The following DLGAP3 variants were observed in gnomAD, a reference collection of about 807,000 sequenced individuals.
DLGAP3 encodes the protein disks large-associated protein 3.
In DLGAP3, 17 loss-of-function variants were observed where a neutral mutation model predicts 81.2. The ratio of observed to expected loss-of-function variants is 0.21; its 90% CI spans 0.14 to 0.31. The LOEUF is 0.31. Ranked by LOEUF, DLGAP3 falls within the 10% of genes least tolerant of loss-of-function variation. The probability of loss-of-function intolerance (pLI) is 1.00; values close to 1 mark genes in which losing one functional copy is unlikely to be tolerated. For missense variants in DLGAP3, 1,124 were observed against 1,388.0 expected (o/e 0.81, Z 3.02); for synonymous variants, 577 against 587.4 (o/e 0.98, Z 0.26).
rs1262093456 is a variant in DLGAP3, at chr1:34,885,614, C to A, written c.1778G>T (p.Arg593Leu). The A allele has an allele frequency of 6.4e-7, 1 of 1,572,486 alleles. No individual in the cohort carries two copies. The highest frequency in any genetic ancestry group is 8.6e-7 in the Non-Finnish European group (1 of 1,164,344). ...CGGCACCGGCGCCAACTCCAGTGTGCGCGCACCCATGGCGGGGCCGTCCAG... is the reference window on the plus strand; with the variant it reads ...CGGCACCGGCGCCAACTCCAGTGTGAGCGCACCCATGGCGGGGCCGTCCAG... Reference protein sequence around the residue: ...DGLDGPAMGARTLELAPVPPR... With the variant: ...DGLDGPAMGALTLELAPVPPR... The change falls in exon 7 of 12, where the codon CGC (arginine) becomes CTC (leucine). Residue 593 changes from arginine (R) to leucine (L), a missense_variant. By Grantham distance (102) the Arg-to-Leu change is moderately radical. Coordinates refer to ENST00000373347, the MANE Select transcript of DLGAP3 (RefSeq NM_001080418.3).
chr1:34,876,813 G>A (rs1639066449), intron 8 of DLGAP3, among the ~76,000 whole-genome samples: 1 of 152,064 alleles, frequency 6.6e-6, no homozygotes, highest in Non-Finnish European at 1.5e-5. Context: ...CAAGAGCAAG[G>A]AAGGCCACGT....
intron 1 of DLGAP3, among the ~76,000 whole-genome samples, chr1:34,911,210 G>A (rs747811742): frequency 6.6e-6 from 1 of 152,226 alleles, no homozygotes; most frequent in Non-Finnish European, 1.5e-5. Context: ...CTTATTCAAC[G>A]CCATTCTGAA....
At chr1:34,901,530 T>G (rs971512770) in intron 3 of DLGAP3, among the ~76,000 whole-genome samples, 2 of 152,238 alleles carry the variant, frequency 1.3e-5, no homozygotes, top group African/African-American at 4.8e-5. Flanking sequence ...CCTCTAAGTG[T>G]CAGTTTCCTT....
chr1:34,874,771 C>T (rs146704735), intron 8 of DLGAP3, among the ~76,000 whole-genome samples: 1 of 151,860 alleles, frequency 6.6e-6, no homozygotes, highest in Non-Finnish European at 1.5e-5. Flanking sequence ...AGCTCTATAT[C>T]CAGAAGTTGT....
At chr1:34,886,985 C>T (rs1335817343) in intron 5 of DLGAP3, among the ~76,000 whole-genome samples, 16 of 116,186 alleles carry the variant, frequency 1.4e-4, no homozygotes, top group Admixed American at 5.7e-4. Flanking sequence ...GACAGAGTCT[C>T]GCTCAGTTGC....
At position 34,885,538 on chromosome 1, in the gene DLGAP3, G is replaced by A. The variant is rs1158167221; in HGVS notation, c.1854C>T (p.Gly618=). Residue 618 remains glycine, a synonymous_variant, in exon 7 of 12, where the codon GGC becomes GGT. Transcript: ENST00000373347. ...GCGCCAGGCTCCGCAGCTCCTCCCT[G>A]CCAGGGATGGTCTTGATGATGAGTG... ...PPTLIIKTIP[G]REELRSLARQ... 4 of 1,608,686 alleles carry A rather than the reference G, an allele frequency of 2.5e-6. No individual in the cohort carries two copies. The highest frequency in any genetic ancestry group is 3.4e-6 in the Non-Finnish European group (4 of 1,179,798).
At chr1:34,920,764 T>TG (rs1248929728) in intron 1 of DLGAP3, among the ~76,000 whole-genome samples, 1 of 152,196 alleles carries the variant, frequency 6.6e-6, no homozygotes, top group Non-Finnish European at 1.5e-5. Flanking sequence ...TACTCCAAGC[T>TG]GAATACTCTT....
chr1:34,865,815 T>A lies in DLGAP3; in HGVS notation c.*268A>T. On this transcript the variant is annotated 3_prime_UTR_variant, in exon 12 of 12. Coordinates refer to ENST00000373347, the MANE Select transcript of DLGAP3 (RefSeq NM_001080418.3). ...AGAGATGGTGCCCATGGGGAGGAGG[T>A]GGGGACAAAGCGTCGGACCAGGTGG... 1 of 548,606 alleles carries A rather than the reference T, an allele frequency of 1.8e-6. No homozygotes were observed. Among genetic ancestry groups the A allele is most frequent in the Non-Finnish European group, 3.2e-6 (1 of 308,526 alleles). 34.0% of individuals were successfully genotyped at this position (548,606 alleles called of 1,614,324 possible). A position where few individuals can be genotyped will look rare whatever the true frequency, so the allele number is the denominator to read the frequency against.
At chr1:34,921,820 C>T (rs751037463) in intron 1 of DLGAP3, among the ~76,000 whole-genome samples, 8 of 152,140 alleles carry the variant, frequency 5.3e-5, no homozygotes, top group Admixed American at 2.0e-4. Context: ...CACAAGTATA[C>T]GTGTTAGCAT....
At chr1:34,884,333 A>T (rs571936681) in intron 8 of DLGAP3, among the ~76,000 whole-genome samples, 1 of 152,112 alleles carries the variant, frequency 6.6e-6, no homozygotes, top group South Asian at 2.1e-4. Flanking sequence ...ATAGGCACCC[A>T]ACAACAGAGA....
In DLGAP3 at chr1:34,867,002, A is replaced by G. The variant is rs572726259; in HGVS notation, c.2721+46T>C. The G allele has an allele frequency of 1.2e-6, 2 of 1,611,550 alleles. No homozygotes were observed. The highest frequency in any genetic ancestry group is 2.7e-5 in the African/African-American group (2 of 74,968). Reference sequence around the variant, plus strand: ...ACCCTCCACCTCTCTGGGGAGGGGAATTTCCCAGAGTCTGGCCTCTTTGCC... The same window carrying G: ...ACCCTCCACCTCTCTGGGGAGGGGAGTTTCCCAGAGTCTGGCCTCTTTGCC... On this transcript the variant is annotated intron_variant, in intron 11 of 11. Coordinates refer to ENST00000373347, the MANE Select transcript of DLGAP3 (RefSeq NM_001080418.3). This position sits in a 1 kb window ranked among gnomAD's most constrained non-coding sequence, Gnocchi z 4.3.
At chr1:34,912,191 CG>C (rs1639650216) in intron 1 of DLGAP3, among the ~76,000 whole-genome samples, 1 of 152,210 alleles carries the variant, frequency 6.6e-6, no homozygotes, top group Non-Finnish European at 1.5e-5. Context: ...GACTCACTAA[CG>C]GTAGCTATCT....
chr1:34,894,524 A>G (rs1639357143), intron 5 of DLGAP3, among the ~76,000 whole-genome samples: 1 of 152,232 alleles, frequency 6.6e-6, no homozygotes, highest in Admixed American at 6.5e-5. Context: ...CTACCTACAA[A>G]GACAATCAGG....
At position 34,865,906 on chromosome 1, in the gene DLGAP3, C is replaced by T. The variant is rs1638866445; in HGVS notation, c.*177G>A. On this transcript the variant is annotated 3_prime_UTR_variant, in exon 12 of 12. Coordinates refer to ENST00000373347, the MANE Select transcript of DLGAP3 (RefSeq NM_001080418.3). ...GCCCCCTGCCCAGCCCGGGCGCCTTCGCGTGGGATCAGGAAGGTAAAAAAC... is the reference window on the plus strand; with the variant it reads ...GCCCCCTGCCCAGCCCGGGCGCCTTTGCGTGGGATCAGGAAGGTAAAAAAC... 3 of 700,700 alleles carry T rather than the reference C, an allele frequency of 4.3e-6. No individual in the cohort carries two copies. The highest frequency in any genetic ancestry group is 2.2e-5 in the Admixed American group (1 of 46,322). The allele number at this position is 700,700 out of a possible 1,614,324, so 43.4% of individuals were successfully genotyped here.
At chr1:34,870,154 A>G (rs1465072525) in intron 8 of DLGAP3, among the ~76,000 whole-genome samples, 2 of 152,216 alleles carry the variant, frequency 1.3e-5, no homozygotes, top group African/African-American at 4.8e-5. Flanking sequence ...TTGAGTTAAT[A>G]ATATGCAAAT....
In DLGAP3 at chr1:34,865,990, C is replaced by G; in HGVS notation, c.*93G>C. Reference sequence around the variant, plus strand: ...GTCCGGTGCCGGTGGGGCGGGCGCACGGGGCGGCCCGCGTTCACAGTGACC... The same window carrying G: ...GTCCGGTGCCGGTGGGGCGGGCGCAGGGGGCGGCCCGCGTTCACAGTGACC... On this transcript the variant is annotated 3_prime_UTR_variant, in exon 12 of 12. Coordinates refer to ENST00000373347, the MANE Select transcript of DLGAP3 (RefSeq NM_001080418.3). 8.7e-7 allele frequency: 1 copy of G among 1,145,058 alleles called. No homozygotes were observed. The highest frequency in any genetic ancestry group is 2.3e-5 in the Admixed American group (1 of 43,414). The allele number at this position is 1,145,058 out of a possible 1,614,324, so 70.9% of individuals were successfully genotyped here.
At chr1:34,893,512 C>G (rs1639345026) in intron 5 of DLGAP3, among the ~76,000 whole-genome samples, 1 of 152,116 alleles carries the variant, frequency 6.6e-6, no homozygotes, top group Admixed American at 6.5e-5. Context: ...AATATATTTT[C>G]CTCACTTCCT....
At chr1:34,924,094 G>T (rs1349175995) in intron 1 of DLGAP3, among the ~76,000 whole-genome samples, 1 of 152,112 alleles carries the variant, frequency 6.6e-6, no homozygotes, top group Non-Finnish European at 1.5e-5. Flanking sequence ...GGATGACAAG[G>T]GAAGGGACCT....
chr1:34,869,592 C>G (rs773884257), intron 8 of DLGAP3, among the ~76,000 whole-genome samples: 6 of 148,820 alleles, frequency 4.0e-5, no homozygotes, highest in South Asian at 4.2e-4. Context: ...CGGGTTCAAG[C>G]GATTCTCCTG....
Sources: gnomAD v4.1 joint callset for allele counts (sites outside exome capture counted in the v4.1 genomes callset) on GRCh38, gnomAD v4.1.1 for gene constraint, Gnocchi (gnomAD v3.1) non-coding constraint, MANE v1.5 for transcripts, NCBI Gene and HGNC (gene_info 2026-07-23, HGNC 2026-07-21) for gene names.